Variants in AKT1S1 observed in about 807,000 individuals in gnomAD.
The protein encoded by AKT1S1 is AKT1 substrate 1.
In AKT1S1, 17 loss-of-function variants were observed where a neutral mutation model predicts 21.2. That is an observed-to-expected ratio of 0.80 (90% CI 0.55 to 1.20). The LOEUF is 1.20. Among genes scored for constraint, AKT1S1 ranks in the 50% most tolerant of loss-of-function variants. The pLI is 0.00. For missense variants in AKT1S1, 366 were observed against 368.3 expected (o/e 0.99, Z 0.05); for synonymous variants, 181 against 165.6 (o/e 1.09, Z -0.72).
chr19:49,871,764 C>T (rs2122371158), intron 3 of AKT1S1, 48 bp from the exon 4 acceptor site: 1 of 1,611,064 alleles, frequency 6.2e-7, no homozygotes. Context: ...TTTGTGTCGG[C>T]CGTGTGCCTG....
chr19:49,876,510 C>T, intron 1 of AKT1S1: 7 of 1,430,178 alleles, frequency 4.9e-6, no homozygotes, highest in Middle Eastern at 1.8e-4. Context: ...AGGCCATACC[C>T]CTCCCGTGAG....
Position 49,871,429 on chromosome 19 carries a change from G to C in AKT1S1, c.627+118C>G, listed in dbSNP as rs1182267818. ...CCAAGAACTCGCCTCTTGAGGTTGA[G>C]GGGAGGATTCAGTTAGCTTATGGGT... On this transcript the variant is annotated intron_variant, in intron 4 of 4. Transcript: ENST00000344175. 2.2e-6 allele frequency: 3 copies of C among 1,375,472 alleles called. No individual in the cohort carries two copies. The African/African-American group carries it at 4.3e-5, about 20-fold the overall frequency. 85.2% of individuals were successfully genotyped at this position (1,375,472 alleles called of 1,614,324 possible). A position where few individuals can be genotyped will look rare whatever the true frequency, so the allele number is the denominator to read the frequency against.
In AKT1S1 at chr19:49,872,792, C is replaced by T. The variant is rs1044853694; in HGVS notation, c.379+125G>A. On this transcript the variant is annotated intron_variant, in intron 2 of 4. Transcript: ENST00000344175. The stretch of plus-strand genomic sequence containing the variant: ...GCAAGCCCCAGGCAAGCCTGTCTGG[C>T]TCTGGGGTCCTGAGACTGCACTTCT... 5 of 1,187,806 alleles carry T rather than the reference C, an allele frequency of 4.2e-6. No homozygotes were observed. The South Asian group carries it at 6.0e-5, about 14-fold the overall frequency. 73.6% of individuals were successfully genotyped at this position (1,187,806 alleles called of 1,614,324 possible).
intron 1 of AKT1S1, chr19:49,876,470 GCTGGCAGACCTCTGCCCT>G (rs1168190825): frequency 7.6e-6 from 9 of 1,190,114 alleles, no homozygotes; most frequent in Non-Finnish European, 9.8e-6. Context: ...GCAAAGGATC[GCTGGCAGACCTCTGCCCT>G]CTGATCTGTG....
chr19:49,878,071 C>A, upstream of AKT1S1: 1 of 1,290,588 alleles, frequency 7.7e-7, no homozygotes, highest in Non-Finnish European at 1.1e-6. Flanking sequence ...CCTCCCTGGG[C>A]CCGTCCCTAT....
upstream of AKT1S1, chr19:49,877,805 A>C (rs1199996576): frequency 1.9e-5 from 30 of 1,539,046 alleles, no homozygotes; most frequent in Admixed American, 4.0e-4. Context: ...TCTAGTGATC[A>C]GCTCTTCTCT....
intron 2 of AKT1S1, among the ~76,000 whole-genome samples, chr19:49,872,100 T>C (rs970060099): frequency 6.6e-6 from 1 of 152,168 alleles, no homozygotes; most frequent in Non-Finnish European, 1.5e-5. Flanking sequence ...TCTGCCACCC[T>C]CTCAGCTGCA....
intron 1 of AKT1S1, chr19:49,875,909 G>T: frequency 1.0e-6 from 1 of 985,418 alleles, no homozygotes; most frequent in Non-Finnish European, 1.2e-6. Flanking sequence ...TTTCCTCCAA[G>T]GAGCTGAGAG....
Position 49,869,737 on chromosome 19 carries a change from G to A in AKT1S1, c.*180C>T, listed in dbSNP as rs946324111. 3 of 655,294 alleles carry A rather than the reference G, an allele frequency of 4.6e-6. No homozygotes were observed. Among genetic ancestry groups the A allele is most frequent in the East Asian group, 3.4e-5 (1 of 29,282 alleles). 40.6% of individuals were successfully genotyped at this position (655,294 alleles called of 1,614,324 possible). ...GGAAACGGGACAGATGCCGCTCCTC[G>A]GCGCGGCAGGTCGTGGGCTGGAAGG... On this transcript the variant is annotated 3_prime_UTR_variant, in exon 5 of 5. Coordinates refer to ENST00000344175, the MANE Select transcript of AKT1S1 (RefSeq NM_001098633.4).
chr19:49,876,669 G>C (rs765139198), intron 1 of AKT1S1: 25 of 1,485,652 alleles, frequency 1.7e-5, no homozygotes, highest in Non-Finnish European at 2.2e-5. Context: ...GGCGCCTTGC[G>C]TCACGTCCGC....
intron 1 of AKT1S1, chr19:49,875,946 C>A: frequency 1.0e-6 from 1 of 985,370 alleles, no homozygotes; most frequent in Non-Finnish European, 1.2e-6. Flanking sequence ...CCCCGATAGA[C>A]GAGTTTCGTG....
Position 49,873,222 on chromosome 19 carries a change from C to G in AKT1S1, c.74G>C (p.Gly25Ala). Residue 25 changes from glycine to alanine, a missense_variant, in exon 2 of 5, where the codon GGC (glycine) becomes GCC (alanine). By Grantham distance (60) the Gly-to-Ala change is moderately conservative (BLOSUM62 0). Coordinates refer to ENST00000344175, the MANE Select transcript of AKT1S1 (RefSeq NM_001098633.4). This position sits in a 1 kb window ranked among gnomAD's most constrained non-coding sequence, Gnocchi z 6.9. ...GAAERFRART[G>A]TELVLLTAAP... The stretch of plus-strand genomic sequence containing the variant: ...CGCGGTCAGCAGCACCAGCTCCGTG[C>G]CAGTCCGGGCCCGGAAGCGCTCAGC... 6.5e-7 allele frequency: 1 copy of G among 1,535,076 alleles called. No homozygotes were observed. The highest frequency in any genetic ancestry group is 1.4e-5 in the African/African-American group (1 of 71,272).
At chr19:49,870,581 G>T (rs774282457) in intron 4 of AKT1S1, among the ~76,000 whole-genome samples, 1 of 152,144 alleles carries the variant, frequency 6.6e-6, no homozygotes, top group Non-Finnish European at 1.5e-5. Context: ...AAGATCCCTC[G>T]CTGTGTCAGC....
At chr19:49,876,728 C>T in intron 1 of AKT1S1, 5 of 1,396,600 alleles carry the variant, frequency 3.6e-6, no homozygotes, top group Non-Finnish European at 4.7e-6. Flanking sequence ...TTATCGGGGC[C>T]GCCCGAGATC....
chr19:49,876,226 TGGTCTAGGAAGAAAACA>T (rs2074942235), intron 1 of AKT1S1: 25 of 1,057,030 alleles, frequency 2.4e-5, no homozygotes, highest in Non-Finnish European at 2.9e-5. Context: ...GAGGACCCAC[TGGTCTAGGAAGAAAACA>T]GGAAATCCCG....
intron 1 of AKT1S1, chr19:49,876,780 G>T: frequency 2.6e-6 from 3 of 1,167,280 alleles, no homozygotes; most frequent in Non-Finnish European, 3.4e-6. Context: ...CAGTTGACAA[G>T]GGTGACGACA....
chr19:49,873,169 G>A lies in AKT1S1; in HGVS notation c.127C>T (p.Pro43Ser), dbSNP rs751606869. The change falls in exon 2 of 5, where the codon CCC becomes TCC. Residue 43 changes from proline to serine, a missense_variant. By Grantham distance (74) the Pro-to-Ser change is moderately conservative. Transcript: ENST00000344175. This position sits in a 1 kb window ranked among gnomAD's most constrained non-coding sequence, Gnocchi z 6.9. Reference sequence around the variant, plus strand: ...CGACCATGGGCAGCATAGGCACAGGGGCCCGGGCGGGGTGGTGGCGGCGGG... The same window carrying A: ...CGACCATGGGCAGCATAGGCACAGGAGCCCGGGCGGGGTGGTGGCGGCGGG... Reference protein sequence around the residue: ...AAPPPPPRPGPCAYAAHGRGA... With the variant: ...AAPPPPPRPGSCAYAAHGRGA... The A allele has an allele frequency of 1.3e-6, 2 of 1,534,210 alleles. No individual in the cohort carries two copies. The highest frequency in any genetic ancestry group is 2.4e-5 in the South Asian group (2 of 83,988).
At chr19:49,874,455 G>A (rs1373185640) in intron 1 of AKT1S1, 3 of 152,282 alleles carry the variant, frequency 2.0e-5, no homozygotes, top group African/African-American at 4.8e-5. Context: ...CCCATCCGAT[G>A]CCCTGGGCTT....
chr19:49,873,276 TC>T lies in AKT1S1; in HGVS notation c.19del (p.Glu7ArgfsTer25). ...CCCCACCACGGCCTCCCACAGCTCC[TC>T]GGGGCGCCCCGACGCCATCCGCGCC... MASGRP[E>X]ELWEAVVGAA... On this transcript the variant is annotated frameshift_variant, in exon 2 of 5. Transcript: ENST00000344175. LOFTEE classifies it high-confidence loss of function. This position sits in a 1 kb window ranked among gnomAD's most constrained non-coding sequence, Gnocchi z 6.9. The T allele has an allele frequency of 1.3e-6, 2 of 1,519,226 alleles. No individual in the cohort carries two copies. The highest frequency in any genetic ancestry group is 2.6e-5 in the East Asian group (1 of 38,082). 94.1% of individuals were successfully genotyped at this position (1,519,226 alleles called of 1,614,324 possible).
Sources: gnomAD v4.1 joint callset for allele counts (sites outside exome capture counted in the v4.1 genomes callset) on GRCh38, gnomAD v4.1.1 for gene constraint, Gnocchi (gnomAD v3.1) non-coding constraint, MANE v1.5 for transcripts, NCBI Gene and HGNC (gene_info 2026-07-23, HGNC 2026-07-21) for gene names.